CCDC198: variants seen among roughly 807,000 people sequenced by gnomAD.
CCDC198 encodes factor associated with metabolism and energy.
In CCDC198, 18 loss-of-function variants were observed where a neutral mutation model predicts 35.6. The observed-to-expected ratio is 0.51, with a 90% CI of 0.35 to 0.75. The LOEUF (loss-of-function observed/expected upper bound fraction) is 0.75. Among genes scored for constraint, CCDC198 ranks in the 30% least tolerant of loss-of-function variants. The pLI, the probability that CCDC198 is intolerant of heterozygous loss-of-function variation, is 0.01. For synonymous variants in CCDC198, 119 were observed against 113.4 expected, an observed-to-expected ratio of 1.05 and a Z score of -0.31; for missense variants, 365 against 343.7, an observed-to-expected ratio of 1.06 and a Z score of -0.49.
chr14:57,488,684 AAAAC>A (rs1296261765), intron 2 of CCDC198, among the ~76,000 whole-genome samples: 1 of 152,178 alleles, frequency 6.6e-6, no homozygotes, highest in Non-Finnish European at 1.5e-5. Context: ...TTACAAGGAA[AAAAC>A]AAACAACCCC....
intron 2 of CCDC198, among the ~76,000 whole-genome samples, chr14:57,490,553 A>C (rs2067528058): frequency 6.6e-6 from 1 of 152,188 alleles, no homozygotes; most frequent in South Asian, 2.1e-4. Flanking sequence ...TCTGACTAGC[A>C]TGTATAAAAC....
At chr14:57,483,896 C>G (rs1016026184) in intron 2 of CCDC198, among the ~76,000 whole-genome samples, 3 of 152,218 alleles carry the variant, frequency 2.0e-5, no homozygotes, top group African/African-American at 7.2e-5. Flanking sequence ...TACTTAATGA[C>G]TGCTACATGC....
In CCDC198 at chr14:57,483,076, G is replaced by T; in HGVS notation, c.382C>A (p.His128Asn). The change falls in exon 3 of 6, where the codon CAC (histidine) becomes AAC (asparagine). Residue 128 changes from histidine to asparagine, a missense_variant. Physicochemically the swap from His to Asn is moderately conservative, Grantham distance 68. Transcript: ENST00000216445. The part of the protein sequence containing the change: ...LLSQREARTM[H>N]KAKQVLEKKM... ...CTGCTGCAGCTCACCTTTGCTTTGT[G>T]CATTGTCCTGGCTTCTCGCTGGCTC... The T allele has an allele frequency of 6.2e-7, 1 of 1,614,064 alleles. No homozygotes were observed. Among genetic ancestry groups the T allele is most frequent in the Non-Finnish European group, 8.5e-7 (1 of 1,179,968 alleles).
rs202091450 is a variant in CCDC198, at chr14:57,481,558, C to G, written c.495+1G>C. The G allele has an allele frequency of 1.7e-5, 27 of 1,602,076 alleles. No individual in the cohort carries two copies. In the Admixed American group the frequency reaches 4.2e-4, roughly 25 times the overall value. On this transcript the variant is annotated splice_donor_variant, in intron 4 of 5. Transcript: ENST00000216445. LOFTEE classifies it high-confidence loss of function. ...AAATATGACACTCTTCTCGTATTTA[C>G]CTCTTGTCTTTTACGGATCATTTCC...
At chr14:57,475,663 T>C (rs1395921405) in intron 5 of CCDC198, 1 of 406,976 alleles carries the variant, frequency 2.5e-6, no homozygotes, top group Non-Finnish European at 4.8e-6. Flanking sequence ...GCCGAGATCA[T>C]GCCATTGCAC....
intron 5 of CCDC198, among the ~76,000 whole-genome samples, chr14:57,476,097 G>A (rs1270019394): frequency 2.0e-5 from 3 of 151,956 alleles, no homozygotes; most frequent in Non-Finnish European, 2.9e-5. Flanking sequence ...GCTATGGCCT[G>A]TAAAGTGCCT....
Position 57,470,827 on chromosome 14 carries a change from TG to T in CCDC198, c.*527del. ...TGGAAGTGATGCAAAGTCAGTTCTA[TG>T]ACTAGCTTTTAAGAAGACTGGCAAC... On this transcript the variant is annotated 3_prime_UTR_variant, in exon 6 of 6. Coordinates refer to ENST00000216445, the MANE Select transcript of CCDC198 (RefSeq NM_018168.4). 1 of 153,256 alleles carries T rather than the reference TG, an allele frequency of 6.5e-6. No homozygotes were observed. Among genetic ancestry groups the T allele is most frequent in the East Asian group, 1.9e-4 (1 of 5,210 alleles). The allele number at this position is 153,256 out of a possible 1,614,324, so 9.5% of individuals were successfully genotyped here.
intron 2 of CCDC198, among the ~76,000 whole-genome samples, chr14:57,483,695 G>A (rs1214001908): frequency 2.0e-5 from 3 of 152,154 alleles, no homozygotes; most frequent in Admixed American, 2.0e-4. Context: ...GGCTTGATAG[G>A]GGAGATCATG....
Position 57,470,995 on chromosome 14 carries a change from GTCC to G in CCDC198, c.*357_*359del. On this transcript the variant is annotated 3_prime_UTR_variant, in exon 6 of 6. Transcript: ENST00000216445. ...GGGGGCAAGGTCCCCCTGTGTCAGT[GTCC>G]TAATGGGGCCTCTGGATGACTCCAG... 1 of 192,704 alleles carries G rather than the reference GTCC, an allele frequency of 5.2e-6. No individual in the cohort carries two copies. Among genetic ancestry groups the G allele is most frequent in the Non-Finnish European group, 1.1e-5 (1 of 93,338 alleles). The allele number at this position is 192,704 out of a possible 1,614,324, so 11.9% of individuals were successfully genotyped here. A position where few individuals can be genotyped will look rare whatever the true frequency, so the allele number is the denominator to read the frequency against.
In CCDC198 at chr14:57,486,222, A is replaced by G. The variant is rs142565829; in HGVS notation, c.307-3071T>C. 1.5e-3 allele frequency among the ~76,000 whole-genome samples: 221 copies of G among 152,312 alleles called. 5 individuals are homozygous for G. The East Asian group carries it at 0.034, about 23-fold the overall frequency. On this transcript the variant is annotated intron_variant, in intron 2 of 5. Coordinates refer to ENST00000216445, the MANE Select transcript of CCDC198 (RefSeq NM_018168.4). Reference sequence around the variant, plus strand: ...TTTGGTTCTTTCTCATTAGGCCTATATGCCTTCGCAGCCATTACTGCACGC... The same window carrying G: ...TTTGGTTCTTTCTCATTAGGCCTATGTGCCTTCGCAGCCATTACTGCACGC...
chr14:57,481,559 C>G lies in CCDC198; in HGVS notation c.495G>C (p.Glu165Asp), dbSNP rs1281850518. 5 of 1,602,836 alleles carry G rather than the reference C, an allele frequency of 3.1e-6. No individual in the cohort carries two copies. The South Asian group carries it at 3.3e-5, about 11-fold the overall frequency. The change falls in exon 4 of 6, where the codon GAG becomes GAC. Residue 165 changes from glutamate to aspartate, a missense_variant and splice_region_variant. By Grantham distance (45) the Glu-to-Asp change is conservative (BLOSUM62 2). Coordinates refer to ENST00000216445, the MANE Select transcript of CCDC198 (RefSeq NM_018168.4). Reference protein sequence around the residue: ...QVLEMIRKRQEAQMELKKSLH... With the variant: ...QVLEMIRKRQDAQMELKKSLH... ...AATATGACACTCTTCTCGTATTTAC[C>G]TCTTGTCTTTTACGGATCATTTCCA...
At chr14:57,474,990 A>G (rs1013209648) in intron 5 of CCDC198, among the ~76,000 whole-genome samples, 3 of 152,196 alleles carry the variant, frequency 2.0e-5, no homozygotes, top group Admixed American at 6.5e-5. Context: ...GGCTGGGCAC[A>G]GTGGCTCACG....
chr14:57,489,778 T>C (rs1031620815), intron 2 of CCDC198, among the ~76,000 whole-genome samples: 7 of 152,146 alleles, frequency 4.6e-5, no homozygotes, highest in Non-Finnish European at 4.4e-5. Context: ...TATTTTTTAC[T>C]AGAGTAATAT....
At chr14:57,483,770 G>A (rs941803048) in intron 2 of CCDC198, among the ~76,000 whole-genome samples, 1 of 152,156 alleles carries the variant, frequency 6.6e-6, no homozygotes, top group African/African-American at 2.4e-5. Context: ...CCTCCAGCCG[G>A]ATCTTGATCA....
At position 57,491,313 on chromosome 14, in the gene CCDC198, T is replaced by C. The variant is rs181548629; in HGVS notation, c.224-242A>G. ...CTGCTCTCCTAACTTCCTACTCAGG[T>C]TCATACTTAGGGGGAGAGTTACAAA... On this transcript the variant is annotated intron_variant, in intron 1 of 5. Coordinates refer to ENST00000216445, the MANE Select transcript of CCDC198 (RefSeq NM_018168.4). 1.6e-3 allele frequency among the ~76,000 whole-genome samples: 242 copies of C among 152,176 alleles called. 1 individual carries two copies. The highest frequency in any genetic ancestry group is 5.5e-3 in the African/African-American group (230 of 41,550).
rs2066780854 is a variant in CCDC198, at chr14:57,469,578, A to T, written c.*1777T>A. The T allele has an allele frequency of 6.6e-6, 1 of 152,228 alleles. No homozygotes were observed. Among genetic ancestry groups the T allele is most frequent in the Admixed American group, 6.5e-5 (1 of 15,282 alleles). The allele number at this position is 152,228 out of a possible 1,614,324, so 9.4% of individuals were successfully genotyped here. ...CACAATAAGTGAGGACACCATGAAT[A>T]GGTTGGATTTGTTTATCCTCTCAAG... is the stretch of plus-strand genomic sequence containing the variant. On this transcript the variant is annotated 3_prime_UTR_variant, in exon 6 of 6. Transcript: ENST00000216445.
At chr14:57,480,242 A>G (rs1309316026) in intron 5 of CCDC198, 1 of 985,094 alleles carries the variant, frequency 1.0e-6, no homozygotes, top group Non-Finnish European at 1.2e-6. Flanking sequence ...CAAATTTGCC[A>G]TGTGACTGCC....
chr14:57,492,096 T>C (rs531516381), intron 1 of CCDC198, among the ~76,000 whole-genome samples: 1 of 152,110 alleles, frequency 6.6e-6, no homozygotes, highest in Admixed American at 6.6e-5. Flanking sequence ...TTTTTTATTT[T>C]AGTGACATTA....
At chr14:57,475,912 G>A (rs879349896) in intron 5 of CCDC198, among the ~76,000 whole-genome samples, 1 of 141,774 alleles carries the variant, frequency 7.1e-6, no homozygotes, top group Non-Finnish European at 1.5e-5. Flanking sequence ...AGTAATTCTC[G>A]TGCCTCAGCC....
Sources: gnomAD v4.1 joint callset for allele counts (sites outside exome capture counted in the v4.1 genomes callset) on GRCh38, gnomAD v4.1.1 for gene constraint, MANE v1.5 for transcripts, NCBI Gene and HGNC (gene_info 2026-07-23, HGNC 2026-07-21) for gene names.